The following CDIN1 variants were observed in gnomAD, a reference collection of about 807,000 sequenced individuals.
CDIN1 encodes CDAN1 interacting nuclease 1.
CDIN1 carries 33 observed loss-of-function variants against 45.3 expected under a neutral mutation model. The ratio of observed to expected loss-of-function variants is 0.73; its 90% CI spans 0.55 to 0.97. The LOEUF is 0.97. Ranked by LOEUF, CDIN1 falls within the 50% of genes least tolerant of loss-of-function variation. The pLI is 0.00. For synonymous variants in CDIN1, 118 were observed against 124.4 expected, an observed-to-expected ratio of 0.95 and a Z score of 0.34; for missense variants, 303 against 339.4, an observed-to-expected ratio of 0.89 and a Z score of 0.84.
intron 1 of CDIN1, among the ~76,000 whole-genome samples, chr15:36,608,912 T>C (rs989184039): frequency 5.3e-5 from 8 of 152,310 alleles, no homozygotes; most frequent in Admixed American, 2.6e-4. Flanking sequence ...CTTTTAAAGT[T>C]ATACACAAAT....
chr15:36,754,271 A>G (rs1215607917), intron 10 of CDIN1, among the ~76,000 whole-genome samples: 1 of 152,132 alleles, frequency 6.6e-6, no homozygotes, highest in South Asian at 2.1e-4. Context: ...GAAGATGGAA[A>G]GTACACTATT....
At chr15:36,584,753 C>T (rs934506748) in intron 1 of CDIN1, among the ~76,000 whole-genome samples, 7 of 152,230 alleles carry the variant, frequency 4.6e-5, no homozygotes, top group African/African-American at 1.2e-4. Flanking sequence ...TCTGCAGACA[C>T]GTACATCATT....
chr15:36,779,670 G>A (rs2054302413), intron 10 of CDIN1, among the ~76,000 whole-genome samples: 1 of 152,166 alleles, frequency 6.6e-6, no homozygotes, highest in Admixed American at 6.5e-5. Flanking sequence ...CAGTAATTCT[G>A]GAGTCTGTTG....
chr15:36,696,792 T>C (rs573217075), intron 7 of CDIN1, among the ~76,000 whole-genome samples: 2 of 152,090 alleles, frequency 1.3e-5, no homozygotes, highest in South Asian at 4.2e-4. Flanking sequence ...CATTTACAAA[T>C]CTTTGTTTGC....
intron 3 of CDIN1, among the ~76,000 whole-genome samples, chr15:36,651,966 G>A (rs192262730): frequency 6.6e-6 from 1 of 152,276 alleles, no homozygotes; most frequent in East Asian, 1.9e-4. Flanking sequence ...ACTTTTACAT[G>A]AAGCCATGTC....
chr15:36,692,016 T>TTTTTTTG, intron 6 of CDIN1, 110 bp from the exon 7 acceptor site: 1 of 521,030 alleles, frequency 1.9e-6, no homozygotes, highest in South Asian at 4.3e-5. Context: ...TTTCTTTTTT[T>TTTTTTTG]GGGGGGCGGG....
At chr15:36,807,278 T>C (rs1367873480) in intron 10 of CDIN1, among the ~76,000 whole-genome samples, 1 of 152,208 alleles carries the variant, frequency 6.6e-6, no homozygotes, top group Non-Finnish European at 1.5e-5. Flanking sequence ...TGGCCTAGCA[T>C]GGTTCAGCCT....
intron 1 of CDIN1, among the ~76,000 whole-genome samples, chr15:36,603,026 A>G (rs1263854862): frequency 6.6e-6 from 1 of 152,192 alleles, no homozygotes; most frequent in East Asian, 1.9e-4. Context: ...CCATGGCAGC[A>G]TCATTGGTGC....
chr15:36,790,049 A>G (rs554602370), intron 10 of CDIN1, among the ~76,000 whole-genome samples: 1 of 152,314 alleles, frequency 6.6e-6, no homozygotes, highest in East Asian at 1.9e-4. Context: ...CTGAAGCCAC[A>G]AGGGTTGCTT....
At position 36,809,117 on chromosome 15, in the gene CDIN1, TTC is replaced by T. The variant is rs2055324574; in HGVS notation, c.*665_*666del. ...GTGCAAAAATACACTTGATGAGAAT[TTC>T]CTCTTTTAATAATGTTATTTGAACA... On this transcript the variant is annotated 3_prime_UTR_variant, in exon 11 of 11. Coordinates refer to ENST00000566621, the MANE Select transcript of CDIN1 (RefSeq NM_001321759.2). The T allele has an allele frequency of 3.0e-6, 1 of 337,384 alleles. No homozygotes were observed. The highest frequency in any genetic ancestry group is 5.9e-6 in the Non-Finnish European group (1 of 170,262). 20.9% of individuals were successfully genotyped at this position (337,384 alleles called of 1,614,324 possible).
At chr15:36,598,037 C>T (rs1434302939) in intron 1 of CDIN1, among the ~76,000 whole-genome samples, 1 of 152,216 alleles carries the variant, frequency 6.6e-6, no homozygotes, top group Non-Finnish European at 1.5e-5. Flanking sequence ...GTTGCCCAGG[C>T]TGGAATGCAG....
intron 1 of CDIN1, among the ~76,000 whole-genome samples, chr15:36,591,550 A>T (rs928267653): frequency 6.6e-6 from 1 of 152,188 alleles, no homozygotes; most frequent in Non-Finnish European, 1.5e-5. Flanking sequence ...GGACAACTAA[A>T]ATATATAAAG....
intron 5 of CDIN1, 74 bp downstream of exon 5, chr15:36,657,979 C>T: frequency 1.6e-6 from 2 of 1,286,048 alleles, no homozygotes; most frequent in East Asian, 2.5e-5. Context: ...CACAGCATTT[C>T]AAGTCACTTA....
rs770467860 is a variant in CDIN1 at position 36,657,831 on chromosome 15, A to T, written c.274-2A>T. On this transcript the variant is annotated splice_acceptor_variant, in intron 4 of 10. Transcript: ENST00000566621. LOFTEE classifies it high-confidence loss of function. The stretch of plus-strand genomic sequence containing the variant: ...TTAATTTTCTACTTCTGTTTTATAA[A>T]GGTGGACTATGCGCCCTCATTAATG... 42 of 1,609,400 alleles carry T rather than the reference A, an allele frequency of 2.6e-5. No homozygotes were observed. The highest frequency in any genetic ancestry group is 3.5e-5 in the Non-Finnish European group (41 of 1,177,654).
chr15:36,734,335 A>G (rs2043937817), intron 10 of CDIN1: 1 of 428,068 alleles, frequency 2.3e-6, no homozygotes. Context: ...TACTAATACT[A>G]TGTAGTCGGG....
intron 10 of CDIN1, among the ~76,000 whole-genome samples, chr15:36,784,065 C>G (rs1453079278): frequency 6.6e-6 from 1 of 152,094 alleles, no homozygotes; most frequent in Non-Finnish European, 1.5e-5. Flanking sequence ...GCATGCACAT[C>G]CTTAATACAA....
chr15:36,599,474 T>G (rs1411541182), intron 1 of CDIN1, among the ~76,000 whole-genome samples: 1 of 152,204 alleles, frequency 6.6e-6, no homozygotes, highest in Non-Finnish European at 1.5e-5. Flanking sequence ...TCTCAGTGCT[T>G]TAAGAAGTGA....
intron 5 of CDIN1, among the ~76,000 whole-genome samples, chr15:36,672,266 C>T (rs555964800): frequency 6.6e-6 from 1 of 151,758 alleles, no homozygotes; most frequent in South Asian, 2.1e-4. Flanking sequence ...TGAAAGAAAA[C>T]AAGTTTTGAA....
At chr15:36,691,205 T>C (rs1176028626) in intron 5 of CDIN1, 2 of 518,378 alleles carry the variant, frequency 3.9e-6, no homozygotes, top group Non-Finnish European at 7.7e-6. Context: ...GATTCTTTCA[T>C]GGCTGAAAGC....
Sources: gnomAD v4.1 joint callset for allele counts (sites outside exome capture counted in the v4.1 genomes callset) on GRCh38, gnomAD v4.1.1 for gene constraint, MANE v1.5 for transcripts, NCBI Gene and HGNC (gene_info 2026-07-23, HGNC 2026-07-21) for gene names.